The following TSPOAP1 variants were observed in gnomAD, a reference collection of about 807,000 sequenced individuals.
TSPOAP1 encodes the protein peripheral-type benzodiazepine receptor-associated protein 1.
A neutral mutation model predicts 197.0 loss-of-function variants in TSPOAP1; 87 were observed. The ratio of observed to expected loss-of-function variants is 0.44; its 90% CI spans 0.37 to 0.53. The LOEUF is 0.53. Among genes scored for constraint, TSPOAP1 ranks in the 20% least tolerant of loss-of-function variants. The pLI is 0.00. For synonymous variants in TSPOAP1, 913 were observed against 998.9 expected (o/e 0.91, Z 1.62); for missense variants, 2,174 against 2,411.3 (o/e 0.90, Z 2.06).
chr17:58,322,605 TC>T lies in TSPOAP1; in HGVS notation c.1317+48del. 1 of 1,598,834 alleles carries T rather than the reference TC, an allele frequency of 6.3e-7. No individual in the cohort carries two copies. The highest frequency in any genetic ancestry group is 2.2e-5 in the East Asian group (1 of 44,716). The stretch of plus-strand genomic sequence containing the variant: ...AAGAATATTCTGCTGTCCCACTTGC[TC>T]CCCATGCCAGGGCCCAGCACCCTCT... On this transcript the variant is annotated intron_variant, in intron 9 of 31. Transcript: ENST00000343736. The surrounding 1 kb of genome is among the most constrained non-coding windows in gnomAD (Gnocchi z 5.0).
At chr17:58,305,811 G>T in intron 27 of TSPOAP1, 22 bp downstream of exon 27, 4 of 1,612,132 alleles carry the variant, frequency 2.5e-6, no homozygotes, top group Non-Finnish European at 3.4e-6. Context: ...CCAGCCTCCC[G>T]GGCCCAGGGA....
Position 58,305,655 on chromosome 17 carries a change from G to T in TSPOAP1, c.5258-12C>A. On this transcript the variant is annotated splice_polypyrimidine_tract_variant and intron_variant, in intron 27 of 31. Coordinates refer to ENST00000343736, the MANE Select transcript of TSPOAP1 (RefSeq NM_004758.4). ...CAGCTTAGGGGGGCCTGCAGGGGGA[G>T]TAGGAGAAGACTCTGGACTCTCTGG... 1 of 1,436,668 alleles carries T rather than the reference G, an allele frequency of 7.0e-7. No individual in the cohort carries two copies. The highest frequency in any genetic ancestry group is 9.5e-7 in the Non-Finnish European group (1 of 1,052,782). 89.0% of individuals were successfully genotyped at this position (1,436,668 alleles called of 1,614,324 possible).
rs776449562 is a variant in TSPOAP1, at chr17:58,323,505, A to T, written c.983T>A (p.Leu328Gln). Residue 328 changes from leucine (L) to glutamine (Q), a missense_variant, in exon 6 of 32, where the codon CTA becomes CAA. This residue lies in a region of TSPOAP1 where 1,933 missense variants were observed against 2,139.0 expected (regional missense o/e 0.90). Coordinates refer to ENST00000343736, the MANE Select transcript of TSPOAP1 (RefSeq NM_004758.4). ...CCTCTGCTCTTTCTCTGGCTCCCCT[A>T]GAATCACGGGTAGGTTGTCCGCATC... ...QEDADNLPVI[L>Q]GEPEKEQRVQ... 3.7e-6 allele frequency: 6 copies of T among 1,614,048 alleles called. No individual in the cohort carries two copies. Among genetic ancestry groups the T allele is most frequent in the Non-Finnish European group, 5.1e-6 (6 of 1,180,010 alleles).
In TSPOAP1 at chr17:58,326,604, T is replaced by C; in HGVS notation, c.441+79A>G. 3.2e-6 allele frequency: 5 copies of C among 1,551,096 alleles called. No homozygotes were observed. The South Asian group carries it at 5.6e-5, about 18-fold the overall frequency. ...TCCATTGAGCCCCCACTTGGAAAGA[T>C]GTTCATGGGGTGAGGAGGGCACTGA... On this transcript the variant is annotated intron_variant, in intron 2 of 31. Transcript: ENST00000343736. The surrounding 1 kb of genome is among the most constrained non-coding windows in gnomAD (Gnocchi z 4.7).
rs776184072 is a variant in TSPOAP1 at position 58,305,836 on chromosome 17, G to A, written c.5254C>T (p.Pro1752Ser). 6.2e-7 allele frequency: 1 copy of A among 1,612,942 alleles called. No homozygotes were observed. Among genetic ancestry groups the A allele is most frequent in the South Asian group, 1.1e-5 (1 of 91,052 alleles). ...AESEGPAQPC[P>S]GPPKLVPSAD... ...GGGCCCAGGGATATTCCTTCACCTG[G>A]ACAGGGCTGGGCAGGGCCTTCCGAC... Residue 1752 changes from proline (P) to serine (S), a missense_variant, in exon 27 of 32, where the codon CCA (proline) becomes TCA (serine). Physicochemically the swap from Pro to Ser is moderately conservative, Grantham distance 74. Around this residue, in one of 5 missense-constraint regions of TSPOAP1, gnomAD observed 161 missense variants for 159.1 expected, o/e 1.01. Transcript: ENST00000343736.
chr17:58,318,537 C>G (rs780710649), intron 13 of TSPOAP1, 85 bp from the exon 14 acceptor site: 44 of 1,334,490 alleles, frequency 3.3e-5, no homozygotes, highest in Non-Finnish European at 4.4e-5. Context: ...GATATGGGGA[C>G]CAGGCCCTCC....
In TSPOAP1 at chr17:58,324,052, C is replaced by G. The variant is rs1178125482; in HGVS notation, c.943-507G>C. ...TTCCCCCAAGCCCACCCTACCACAC[C>G]TTCCGATTATCCGTGCAAACTTTGG... On this transcript the variant is annotated intron_variant, in intron 5 of 31. Coordinates refer to ENST00000343736, the MANE Select transcript of TSPOAP1 (RefSeq NM_004758.4). This position sits in a 1 kb window ranked among gnomAD's most constrained non-coding sequence, Gnocchi z 5.8. 6.6e-6 allele frequency among the ~76,000 whole-genome samples: 1 copy of G among 152,230 alleles called. No individual in the cohort carries two copies. Among genetic ancestry groups the G allele is most frequent in the African/African-American group, 2.4e-5 (1 of 41,448 alleles).
At chr17:58,308,423 G>C in intron 22 of TSPOAP1, 118 bp downstream of exon 22, 2 of 1,433,546 alleles carry the variant, frequency 1.4e-6, no homozygotes, top group African/African-American at 2.8e-5. Context: ...CCGGAGGCCC[G>C]GCCCCACCTC....
chr17:58,304,054 T>G lies in TSPOAP1; in HGVS notation c.*32+284A>C. On this transcript the variant is annotated intron_variant, in intron 31 of 31. Coordinates refer to ENST00000343736, the MANE Select transcript of TSPOAP1 (RefSeq NM_004758.4). This position sits in a 1 kb window ranked among gnomAD's most constrained non-coding sequence, Gnocchi z 4.2. Reference sequence around the variant, plus strand: ...CACGTCATGTTCTATAAACCACATGTGTTATAGAATAGGAAGCATCAGCTA... The same window carrying G: ...CACGTCATGTTCTATAAACCACATGGGTTATAGAATAGGAAGCATCAGCTA... 1 of 383,674 alleles carries G rather than the reference T, an allele frequency of 2.6e-6. No homozygotes were observed. Among genetic ancestry groups the G allele is most frequent in the Non-Finnish European group, 4.8e-6 (1 of 208,204 alleles). The allele number at this position is 383,674 out of a possible 1,614,324, so 23.8% of individuals were successfully genotyped here.
chr17:58,321,203 C>T (rs1040770153), intron 10 of TSPOAP1, among the ~76,000 whole-genome samples: 4 of 152,102 alleles, frequency 2.6e-5, no homozygotes, highest in Admixed American at 1.3e-4. Flanking sequence ...CTTCACCTCA[C>T]GGAGTATGAA....
intron 3 of TSPOAP1, 21 bp from the exon 4 acceptor site, chr17:58,325,734 G>A: frequency 6.3e-7 from 1 of 1,584,274 alleles, no homozygotes. Context: ...GAGGGGTAAG[G>A]CCAATGGTCA....
At position 58,326,831 on chromosome 17, in the gene TSPOAP1, A is replaced by C; in HGVS notation, c.334-41T>G. 1.9e-6 allele frequency: 3 copies of C among 1,549,336 alleles called. No homozygotes were observed. Among genetic ancestry groups the C allele is most frequent in the Non-Finnish European group, 2.7e-6 (3 of 1,122,208 alleles). ...ACCGAGGACAGCACCTCAGAAACCC[A>C]CGTCACCCAGCCAGAGCCTTCCCTG... On this transcript the variant is annotated intron_variant, in intron 1 of 31. Coordinates refer to ENST00000343736, the MANE Select transcript of TSPOAP1 (RefSeq NM_004758.4). This position sits in a 1 kb window ranked among gnomAD's most constrained non-coding sequence, Gnocchi z 4.7.
At chr17:58,320,731 T>C in intron 10 of TSPOAP1, 150 bp from the exon 11 acceptor site, 1 of 517,042 alleles carries the variant, frequency 1.9e-6, no homozygotes, top group South Asian at 6.2e-5. Context: ...GGAAGAGGGA[T>C]AGGGAAGGGG....
Position 58,308,588 on chromosome 17 carries a change from G to A in TSPOAP1, c.4684C>T (p.Arg1562Trp), listed in dbSNP as rs758175154. Reference protein sequence around the residue: ...LPAWEKGEPERRGRSATGRAK... With the variant: ...LPAWEKGEPEWRGRSATGRAK... ...CTGCCCGTCGCACTGCGGCCTCTCC[G>A]CTCTGGTTCCCCTTTCTCCCAGGCT... Residue 1562 changes from arginine to tryptophan, a missense_variant, in exon 22 of 32, where the codon CGG becomes TGG. By Grantham distance (101) the Arg-to-Trp change is moderately radical. Transcript: ENST00000343736. The A allele has an allele frequency of 9.5e-6, 15 of 1,576,598 alleles. No homozygotes were observed. The highest frequency in any genetic ancestry group is 4.6e-5 in the South Asian group (4 of 86,904).
At position 58,324,199 on chromosome 17, in the gene TSPOAP1, CT is replaced by C. The variant is rs1971494154; in HGVS notation, c.942+611del. 6.6e-6 allele frequency among the ~76,000 whole-genome samples: 1 copy of C among 152,234 alleles called. No homozygotes were observed. The highest frequency in any genetic ancestry group is 2.1e-4 in the South Asian group (1 of 4,834). On this transcript the variant is annotated intron_variant, in intron 5 of 31. Transcript: ENST00000343736. The surrounding 1 kb of genome is among the most constrained non-coding windows in gnomAD (Gnocchi z 5.8). ...GGTCACTATCAGATCACTGCCTGGT[CT>C]CTCCTCCCAGCCCTCTTCCCAGAAG...
At chr17:58,314,717 G>A (rs374994492) in intron 16 of TSPOAP1, among the ~76,000 whole-genome samples, 6 of 152,256 alleles carry the variant, frequency 3.9e-5, no homozygotes, top group East Asian at 1.9e-4. Flanking sequence ...TGCAGCCCTA[G>A]GAAACGATCA....
chr17:58,314,449 T>C (rs917926426), intron 16 of TSPOAP1, among the ~76,000 whole-genome samples: 1 of 152,174 alleles, frequency 6.6e-6, no homozygotes, highest in African/African-American at 2.4e-5. Flanking sequence ...CAAGTGTTTT[T>C]ATAAGAGACA....
rs1328571679 is a variant in TSPOAP1, at chr17:58,322,636, C to A, written c.1317+18G>T. 15 of 1,607,478 alleles carry A rather than the reference C, an allele frequency of 9.3e-6. No individual in the cohort carries two copies. Among genetic ancestry groups the A allele is most frequent in the Non-Finnish European group, 1.3e-5 (15 of 1,179,930 alleles). On this transcript the variant is annotated intron_variant, in intron 9 of 31. Transcript: ENST00000343736. The surrounding 1 kb of genome is among the most constrained non-coding windows in gnomAD (Gnocchi z 5.0). ...TGCCAGGGCCCAGCACCCTCTCCCA[C>A]CTGCACCATCTCCTCACCTTCAGCA...
chr17:58,315,643 T>C (rs1235968044), intron 16 of TSPOAP1, among the ~76,000 whole-genome samples: 1 of 152,192 alleles, frequency 6.6e-6, no homozygotes, highest in East Asian at 1.9e-4. Flanking sequence ...GAGTCCAGCA[T>C]CAAATCTGTG....
Sources: allele counts gnomAD v4.1 joint callset (sites outside exome capture counted in the v4.1 genomes callset), GRCh38; gene constraint gnomAD v4.1.1; regional missense constraint gnomAD v4.1.1; non-coding constraint Gnocchi (gnomAD v3.1); transcripts MANE v1.5; gene names NCBI Gene and HGNC (gene_info 2026-07-23, HGNC 2026-07-21).